PEX5L: variants seen among roughly 807,000 people sequenced by gnomAD.
The protein encoded by PEX5L is peroxisomal biogenesis factor 5 like.
Under a neutral mutation model 84.0 loss-of-function variants are expected in PEX5L, and 30 were observed. The observed-to-expected ratio is 0.36, with a 90% CI of 0.27 to 0.48. The LOEUF (loss-of-function observed/expected upper bound fraction) is 0.48. Among genes scored for constraint, PEX5L ranks in the 20% least tolerant of loss-of-function variants. The pLI is 0.99. For missense variants in PEX5L, 533 were observed against 754.6 expected, an observed-to-expected ratio of 0.71 and a Z score of 3.44; for synonymous variants, 270 against 283.1, an observed-to-expected ratio of 0.95 and a Z score of 0.46.
At chr3:179,835,334 C>T (rs1400319004) in intron 8 of PEX5L, among the ~76,000 whole-genome samples, 1 of 151,778 alleles carries the variant, frequency 6.6e-6, no homozygotes, top group African/African-American at 2.4e-5. Flanking sequence ...AAGAGTTATA[C>T]CAGGGTTAGG....
chr3:179,939,506 G>C (rs1775477828), intron 2 of PEX5L, among the ~76,000 whole-genome samples: 1 of 152,194 alleles, frequency 6.6e-6, no homozygotes. Context: ...GGGAATTAAA[G>C]CTTCAAAGAA....
chr3:179,804,596 T>C (rs758852985), intron 14 of PEX5L, among the ~76,000 whole-genome samples: 2 of 152,204 alleles, frequency 1.3e-5, no homozygotes, highest in Non-Finnish European at 2.9e-5. Context: ...AGGGTAGTGT[T>C]TGCCTTTGAC....
chr3:180,003,802 A>G (rs1788630557), intron 1 of PEX5L, among the ~76,000 whole-genome samples: 1 of 152,178 alleles, frequency 6.6e-6, no homozygotes, highest in Non-Finnish European at 1.5e-5. Flanking sequence ...GTTGGCTACT[A>G]AGGTGATATT....
At chr3:179,859,927 C>T (rs956127590) in intron 7 of PEX5L, among the ~76,000 whole-genome samples, 18 of 151,644 alleles carry the variant, frequency 1.2e-4, no homozygotes, top group African/African-American at 3.4e-4. Context: ...ATACTTATTT[C>T]GAAAAAAAAT....
chr3:179,911,306 T>C (rs1382053861), intron 2 of PEX5L, among the ~76,000 whole-genome samples: 2 of 152,196 alleles, frequency 1.3e-5, no homozygotes, highest in Admixed American at 1.3e-4. Context: ...TTTATATGTG[T>C]GCTTGCTGAG....
chr3:179,842,563 C>A (rs1737697474), intron 8 of PEX5L, among the ~76,000 whole-genome samples: 1 of 151,984 alleles, frequency 6.6e-6, no homozygotes, highest in African/African-American at 2.4e-5. Context: ...TATGTAGAGT[C>A]ATTTTATTGA....
chr3:179,824,166 T>C (rs1729509173), intron 8 of PEX5L, among the ~76,000 whole-genome samples: 1 of 152,206 alleles, frequency 6.6e-6, no homozygotes, highest in South Asian at 2.1e-4. Flanking sequence ...CACCAGTTTA[T>C]TTTAGTCATC....
Position 179,796,566 on chromosome 3 carries a change from A to ATGTG in PEX5L, c.*5258_*5261dup, listed in dbSNP as rs1717066224. On this transcript the variant is annotated 3_prime_UTR_variant, in exon 15 of 15. Transcript: ENST00000467460. ...ATGCCTCCCCACAATCGTCTTTGCT[A>ATGTG]TGTGTGTTATGTGTAGAATTCTGTC... 6.6e-6 allele frequency: 1 copy of ATGTG among 150,690 alleles called. No individual in the cohort carries two copies. The highest frequency in any genetic ancestry group is 2.0e-4 in the East Asian group (1 of 5,110). The allele number at this position is 150,690 out of a possible 1,614,324, so 9.3% of individuals were successfully genotyped here.
intron 2 of PEX5L, among the ~76,000 whole-genome samples, chr3:179,900,138 T>C (rs970735633): frequency 1.1e-4 from 16 of 152,192 alleles, no homozygotes; most frequent in Admixed American, 5.9e-4. Flanking sequence ...TACATCTTTA[T>C]AAGCTACACT....
intron 1 of PEX5L, among the ~76,000 whole-genome samples, chr3:179,975,013 A>G (rs1439130191): frequency 6.6e-6 from 1 of 152,158 alleles, no homozygotes. Flanking sequence ...CCTGGGCAAC[A>G]TAGCAAAACC....
intron 2 of PEX5L, among the ~76,000 whole-genome samples, chr3:179,909,280 G>A (rs767741647): frequency 5.7e-4 from 86 of 152,004 alleles, no homozygotes; most frequent in Non-Finnish European, 8.8e-5. Context: ...AGCCACAGGG[G>A]ACCTAAGAAG....
At chr3:179,983,678 T>A (rs1786543932) in intron 1 of PEX5L, among the ~76,000 whole-genome samples, 1 of 152,010 alleles carries the variant, frequency 6.6e-6, no homozygotes, top group Admixed American at 6.6e-5. Flanking sequence ...GACCCTGGCT[T>A]TTTTTCTTTT....
intron 2 of PEX5L, among the ~76,000 whole-genome samples, chr3:179,956,593 C>T (rs1250914412): frequency 1.3e-5 from 2 of 152,074 alleles, no homozygotes; most frequent in Non-Finnish European, 2.9e-5. Context: ...TTTCATGTGG[C>T]TGTAAAAATA....
At position 179,902,770 on chromosome 3, in the gene PEX5L, G is replaced by A. The variant is rs1461130225; in HGVS notation, c.94-4524C>T. 2.0e-5 allele frequency: 8 copies of A among 402,976 alleles called. No individual in the cohort carries two copies. In the East Asian group the frequency reaches 5.0e-4, roughly 25 times the overall value. The allele number at this position is 402,976 out of a possible 1,614,324, so 25.0% of individuals were successfully genotyped here. ...TTCTATTACTGCTACCAAGGAATTT[G>A]TAATTTAAAACTTATTTTCATTATT... is the stretch of plus-strand genomic sequence containing the variant. On this transcript the variant is annotated intron_variant, in intron 2 of 14. Transcript: ENST00000467460.
At chr3:179,827,385 G>A (rs1464584538) in intron 8 of PEX5L, among the ~76,000 whole-genome samples, 2 of 152,152 alleles carry the variant, frequency 1.3e-5, no homozygotes, top group Non-Finnish European at 2.9e-5. Flanking sequence ...GGGATGTCTC[G>A]AGTAACTACA....
intron 2 of PEX5L, among the ~76,000 whole-genome samples, chr3:179,959,057 AC>A (rs1258457661): frequency 7.1e-4 from 45 of 63,596 alleles, no homozygotes; most frequent in African/African-American, 1.8e-3. Flanking sequence ...CAAAAACAAA[AC>A]CGAAAAAAAA....
In PEX5L at chr3:179,952,907, T is replaced by C. The variant is rs1779488611; in HGVS notation, c.93+18687A>G. Among the ~76,000 whole-genome samples the C allele has an allele frequency of 2.0e-5, 3 of 152,188 alleles. No homozygotes were observed. The East Asian group carries it at 5.8e-4, about 29-fold the overall frequency. ...TGGTACCGGTACCAAAACAGATATA[T>C]AGACCAATGGAACAGAACAGAGGCC... On this transcript the variant is annotated intron_variant, in intron 2 of 14. Transcript: ENST00000467460.
At chr3:179,875,189 T>G (rs1751927688) in intron 6 of PEX5L, among the ~76,000 whole-genome samples, 165 bp downstream of exon 6, 1 of 152,100 alleles carries the variant, frequency 6.6e-6, no homozygotes, top group Non-Finnish European at 1.5e-5. Flanking sequence ...TTTTGACAGT[T>G]GAAATGAAAT....
At chr3:179,862,033 T>C (rs1010083473) in intron 7 of PEX5L, among the ~76,000 whole-genome samples, 1 of 152,224 alleles carries the variant, frequency 6.6e-6, no homozygotes, top group Non-Finnish European at 1.5e-5. Context: ...TTCTGGAGAC[T>C]AGAATTCCAA....
Sources: gnomAD v4.1 joint callset for allele counts (sites outside exome capture counted in the v4.1 genomes callset) on GRCh38, gnomAD v4.1.1 for gene constraint, MANE v1.5 for transcripts, NCBI Gene and HGNC (gene_info 2026-07-23, HGNC 2026-07-21) for gene names.